Variants in COL12A1 observed in about 807,000 individuals in gnomAD.
The protein encoded by COL12A1 is collagen alpha-1(XII) chain.
Under a neutral mutation model 349.7 loss-of-function variants are expected in COL12A1, and 114 were observed. That is an observed-to-expected ratio of 0.33 (90% CI 0.28 to 0.38). The LOEUF (loss-of-function observed/expected upper bound fraction) is 0.38, where lower values mean the gene tolerates loss of function less well. COL12A1 is among the 10% of genes least tolerant of loss of function. COL12A1 has a pLI of 1.00. For synonymous variants in COL12A1, 1,369 were observed against 1,329.0 expected (o/e 1.03, Z -0.66); for missense variants, 3,284 against 3,756.9 (o/e 0.87, Z 3.29).
At position 75,183,449 on chromosome 6, in the gene COL12A1, T is replaced by C. The variant is rs753897086; in HGVS notation, c.1492A>G (p.Thr498Ala). 2.5e-6 allele frequency: 4 copies of C among 1,614,094 alleles called. No individual in the cohort carries two copies. Among genetic ancestry groups the C allele is most frequent in the African/African-American group, 1.3e-5 (1 of 74,938 alleles). Reference sequence around the variant, plus strand: ...GCTTCAATTATATCTTCAACTTTGGTGAATTTTTTCAAAGTGAACTCAGTA... The same window carrying C: ...GCTTCAATTATATCTTCAACTTTGGCGAATTTTTTCAAAGTGAACTCAGTA... ...PHTEFTLKKF[T>A]KVEDIIEAIN... is the part of the protein sequence containing the mutation. The change falls in exon 10 of 66, where the codon ACC becomes GCC. Residue 498 changes from threonine (T) to alanine (A), a missense_variant. Coordinates refer to ENST00000322507, the MANE Select transcript of COL12A1 (RefSeq NM_004370.6).
intron 51 of COL12A1, among the ~76,000 whole-genome samples, chr6:75,111,303 T>C (rs1369684719): frequency 6.6e-6 from 1 of 151,358 alleles, no homozygotes; most frequent in Non-Finnish European, 1.5e-5. Context: ...AAGACAGAGC[T>C]TGTGAGGAGA....
At chr6:75,105,929 G>A (rs1768522135) in intron 53 of COL12A1, among the ~76,000 whole-genome samples, 1 of 152,132 alleles carries the variant, frequency 6.6e-6, no homozygotes, top group Non-Finnish European at 1.5e-5. Context: ...CACTCTTCCT[G>A]TGGATGTATG....
In COL12A1 at chr6:75,184,035, T is replaced by C; in HGVS notation, c.1107A>G (p.Thr369=). Residue 369 remains threonine (T), a synonymous_variant, in exon 9 of 66, where the codon ACA becomes ACG. Coordinates refer to ENST00000322507, the MANE Select transcript of COL12A1 (RefSeq NM_004370.6). ...SPVTGYKVIL[T]PMTAGSRQHA... ...GCTGTCGGCTTCCTGCAGTCATTGG[T>C]GTGAGGATGACTTTGTAGCCAGTCA... 1 of 1,614,150 alleles carries C rather than the reference T, an allele frequency of 6.2e-7. No homozygotes were observed. The highest frequency in any genetic ancestry group is 1.6e-4 in the Middle Eastern group (1 of 6,062).
intron 27 of COL12A1, 109 bp downstream of exon 27, chr6:75,141,923 T>C: frequency 7.3e-7 from 1 of 1,370,492 alleles, no homozygotes; most frequent in Non-Finnish European, 1.0e-6. Flanking sequence ...CAAGCATTAT[T>C]AAACACTGGC....
chr6:75,125,232 A>T lies in COL12A1; in HGVS notation c.6502T>A (p.Ser2168Thr), dbSNP rs1474670193. The T allele has an allele frequency of 6.2e-7, 1 of 1,610,388 alleles. No homozygotes were observed. The highest frequency in any genetic ancestry group is 1.3e-5 in the African/African-American group (1 of 74,796). ...PMEAFVGEMTSYTLHNLNPST... is the reference protein window; with the variant it reads ...PMEAFVGEMTTYTLHNLNPST... ...GGATTGAGATTGTGTAAGGTATATG[A>T]TGTCATTTCTCCAACAAAGGCTTCC... The change falls in exon 40 of 66, where the codon TCA becomes ACA. Residue 2168 changes from serine (S) to threonine (T), a missense_variant. By Grantham distance (58) the Ser-to-Thr change is moderately conservative. Around this residue, in one of 2 missense-constraint regions of COL12A1, gnomAD observed 2,601 missense variants for 2,824.8 expected, o/e 0.92. Coordinates refer to ENST00000322507, the MANE Select transcript of COL12A1 (RefSeq NM_004370.6).
intron 3 of COL12A1, 81 bp downstream of exon 3, chr6:75,194,750 A>G: frequency 1.2e-6 from 1 of 863,710 alleles, no homozygotes; most frequent in Non-Finnish European, 1.8e-6. Context: ...CAGCTTCTTC[A>G]TGATGAAAGG....
intron 13 of COL12A1, 65 bp from the exon 14 acceptor site, chr6:75,165,844 C>G: frequency 6.8e-7 from 1 of 1,468,158 alleles, no homozygotes; most frequent in South Asian, 1.3e-5. Context: ...GTATTATATT[C>G]ATTGATCCTG....
chr6:75,151,007 A>G (rs541212830), intron 21 of COL12A1, 134 bp downstream of exon 21: 201 of 589,164 alleles, frequency 3.4e-4, no homozygotes, highest in Non-Finnish European at 5.2e-4. Flanking sequence ...CTGACATCCA[A>G]CCGGCAGAGG....
intron 5 of COL12A1, among the ~76,000 whole-genome samples, chr6:75,191,465 C>A (rs2149477999): frequency 1.3e-5 from 2 of 152,050 alleles, no homozygotes; most frequent in South Asian, 4.2e-4. Flanking sequence ...TTTCAAAACA[C>A]TCCCATTGAA....
chr6:75,125,427 T>C (rs1765966134), intron 39 of COL12A1, among the ~76,000 whole-genome samples, 154 bp from the exon 40 acceptor site: 2 of 152,186 alleles, frequency 1.3e-5, no homozygotes, highest in African/African-American at 4.8e-5. Flanking sequence ...CTATGTTATA[T>C]GACAAATATG....
In COL12A1 at chr6:75,194,918, T is replaced by C. The variant is rs780247302; in HGVS notation, c.103A>G (p.Ile35Val). ...VDPPSDLNFK[I>V]IDENTVHMSW... is the part of the protein sequence containing the mutation. Reference sequence around the variant, plus strand: ...ATATGAACAGTATTTTCATCTATAATTTTAAAATTCAAGTCTGAAGGTGGG... The same window carrying C: ...ATATGAACAGTATTTTCATCTATAACTTTAAAATTCAAGTCTGAAGGTGGG... Residue 35 changes from isoleucine (I) to valine (V), a missense_variant, in exon 3 of 66, where the codon ATT becomes GTT. Ile to Val is a conservative substitution (Grantham distance 29). This residue lies in a region of COL12A1 where 2,601 missense variants were observed against 2,824.8 expected (regional missense o/e 0.92). Coordinates refer to ENST00000322507, the MANE Select transcript of COL12A1 (RefSeq NM_004370.6). 4 of 1,607,740 alleles carry C rather than the reference T, an allele frequency of 2.5e-6. No individual in the cohort carries two copies. The Admixed American group carries it at 5.1e-5, about 20-fold the overall frequency.
intron 58 of COL12A1, among the ~76,000 whole-genome samples, chr6:75,099,768 A>G (rs1768218791): frequency 6.6e-6 from 1 of 152,182 alleles, no homozygotes; most frequent in South Asian, 2.1e-4. Flanking sequence ...TTACTTTCTA[A>G]TAGCCACCAG....
chr6:75,196,971 A>G (rs952581046), intron 2 of COL12A1, among the ~76,000 whole-genome samples: 6 of 152,206 alleles, frequency 3.9e-5, no homozygotes, highest in African/African-American at 1.4e-4. Flanking sequence ...TGAGGTGTTC[A>G]TAGAAACTGT....
intron 2 of COL12A1, among the ~76,000 whole-genome samples, chr6:75,202,479 G>A (rs1185433580): frequency 6.6e-6 from 1 of 152,186 alleles, no homozygotes; most frequent in Non-Finnish European, 1.5e-5. Flanking sequence ...GCAGAGACAA[G>A]CTCAAGAAGA....
intron 7 of COL12A1, 47 bp downstream of exon 7, chr6:75,189,170 T>C (rs1333866701): frequency 6.3e-6 from 10 of 1,576,294 alleles, no homozygotes; most frequent in Non-Finnish European, 8.7e-6. Context: ...ACATTAAGTA[T>C]ACTGTAGGAG....
At chr6:75,088,631 A>G (rs903832063) in intron 64 of COL12A1, among the ~76,000 whole-genome samples, 1 of 152,176 alleles carries the variant, frequency 6.6e-6, no homozygotes, top group African/African-American at 2.4e-5. Flanking sequence ...CAAAGGGAAC[A>G]TGAAAATGAA....
intron 7 of COL12A1, among the ~76,000 whole-genome samples, chr6:75,188,921 T>A (rs899542997): frequency 6.6e-6 from 1 of 152,046 alleles, no homozygotes; most frequent in African/African-American, 2.4e-5. Context: ...CACTTAATGA[T>A]AATACAAGGA....
chr6:75,143,614 C>T (rs1317834087), intron 25 of COL12A1, among the ~76,000 whole-genome samples: 1 of 152,078 alleles, frequency 6.6e-6, no homozygotes, highest in African/African-American at 2.4e-5. Context: ...TTTGTTATCA[C>T]AAGGCTAACT....
chr6:75,115,777 CACTT>C lies in COL12A1; in HGVS notation c.7697+3_7697+6del. ...AGAAAAGGAAAACCTCCTGTTGTCA[CACTT>C]ACGCTGTAGGCTGATTCACAAACGC... On this transcript the variant is annotated splice_donor_5th_base_variant and intron_variant, in intron 49 of 65. Coordinates refer to ENST00000322507, the MANE Select transcript of COL12A1 (RefSeq NM_004370.6). 1 of 1,597,716 alleles carries C rather than the reference CACTT, an allele frequency of 6.3e-7. No individual in the cohort carries two copies. Among genetic ancestry groups the C allele is most frequent in the South Asian group, 1.1e-5 (1 of 87,356 alleles).
Sources: allele counts gnomAD v4.1 joint callset (sites outside exome capture counted in the v4.1 genomes callset), GRCh38; gene constraint gnomAD v4.1.1; regional missense constraint gnomAD v4.1.1; transcripts MANE v1.5; gene names NCBI Gene and HGNC (gene_info 2026-07-23, HGNC 2026-07-21).